The following BANK1 variants were observed in gnomAD, a reference collection of about 807,000 sequenced individuals.
BANK1 encodes the protein B cell scaffold protein with ankyrin repeats 1, also known as B-cell scaffold protein with ankyrin repeats.
A neutral mutation model predicts 94.5 loss-of-function variants in BANK1; 95 were observed. That is an observed-to-expected ratio of 1.00 (90% confidence interval 0.85 to 1.19). BANK1 has a LOEUF of 1.19. Among genes scored for constraint, BANK1 ranks in the 50% most tolerant of loss-of-function variants. The probability of loss-of-function intolerance (pLI) is 0.00; values close to 1 mark genes in which losing one functional copy is unlikely to be tolerated. For synonymous variants in BANK1, 334 were observed against 308.4 expected (o/e 1.08, Z -0.87); for missense variants, 987 against 932.2 (o/e 1.06, Z -0.77).
At chr4:101,946,995 T>C (rs981654389) in intron 7 of BANK1, among the ~76,000 whole-genome samples, 4 of 151,754 alleles carry the variant, frequency 2.6e-5, no homozygotes, top group Non-Finnish European at 2.9e-5. Flanking sequence ...CATTTTTTTC[T>C]CCAATTACAT....
At chr4:101,793,729 A>G (rs10031210) in intron 1 of BANK1, among the ~76,000 whole-genome samples, 95,420 of 151,998 alleles carry the variant, frequency 0.63, 30,694 homozygotes, top group African/African-American at 0.77. Flanking sequence ...AGCAAAATCC[A>G]AGAGAAGAAA....
chr4:101,850,744 C>T (rs1727442259), intron 2 of BANK1, among the ~76,000 whole-genome samples: 2 of 152,146 alleles, frequency 1.3e-5, no homozygotes. Context: ...CTATTTCAAA[C>T]TTTTTTCATT....
rs540658430 is a variant in BANK1 at position 101,933,194 on chromosome 4, G to A, written c.1206+15005G>A. Among the ~76,000 whole-genome samples the A allele has an allele frequency of 2.0e-5, 3 of 151,440 alleles. No individual in the cohort carries two copies. In the South Asian group the frequency reaches 6.2e-4, roughly 31 times the overall value. On this transcript the variant is annotated intron_variant, in intron 7 of 16. Coordinates refer to ENST00000322953, the MANE Select transcript of BANK1 (RefSeq NM_017935.5). ...AAAACAATGGCCCATGGTAGGGATAGGACCATAGAAAGGGAGATTATTTGG... is the reference window on the plus strand; with the variant it reads ...AAAACAATGGCCCATGGTAGGGATAAGACCATAGAAAGGGAGATTATTTGG...
intron 6 of BANK1, among the ~76,000 whole-genome samples, chr4:101,896,634 C>T (rs1722089409): frequency 6.6e-6 from 1 of 151,328 alleles, no homozygotes; most frequent in East Asian, 1.9e-4. Context: ...AAATTAAATA[C>T]TAGATGAGAA....
intron 3 of BANK1, among the ~76,000 whole-genome samples, chr4:101,855,396 A>G (rs534289184): frequency 6.6e-6 from 1 of 152,222 alleles, no homozygotes; most frequent in South Asian, 2.1e-4. Context: ...TATTTTTTTA[A>G]TAGATATTGT....
chr4:102,003,099 G>A (rs537247177), intron 7 of BANK1, among the ~76,000 whole-genome samples: 39 of 152,190 alleles, frequency 2.6e-4, no homozygotes, highest in African/African-American at 8.4e-4. Flanking sequence ...CAGCACAGTG[G>A]TCCCTTTTTC....
chr4:101,814,367 T>A (rs1297705471), intron 1 of BANK1, among the ~76,000 whole-genome samples: 2 of 152,202 alleles, frequency 1.3e-5, no homozygotes, highest in Non-Finnish European at 2.9e-5. Flanking sequence ...TACTGTCTTT[T>A]TTCCACCACT....
intron 10 of BANK1, among the ~76,000 whole-genome samples, chr4:102,030,637 T>C (rs1009759621): frequency 3.4e-5 from 5 of 145,490 alleles, no homozygotes; most frequent in Non-Finnish European, 7.5e-5. Context: ...CCCCACCCTG[T>C]GTCCATGTGT....
chr4:101,959,829 A>T (rs1180103915), intron 7 of BANK1, among the ~76,000 whole-genome samples: 1 of 152,144 alleles, frequency 6.6e-6, no homozygotes, highest in Non-Finnish European at 1.5e-5. Flanking sequence ...CTGCTATATA[A>T]TTTTTTTAAA....
intron 5 of BANK1, among the ~76,000 whole-genome samples, chr4:101,894,299 A>T (rs1721987854): frequency 6.6e-6 from 1 of 152,032 alleles, no homozygotes; most frequent in Non-Finnish European, 1.5e-5. Flanking sequence ...GATGCTTATG[A>T]ATGCTGGGTT....
chr4:101,974,655 A>G (rs151217034), intron 7 of BANK1, among the ~76,000 whole-genome samples: 389 of 152,170 alleles, frequency 2.6e-3, no homozygotes, highest in Non-Finnish European at 4.1e-3. Flanking sequence ...GTTATGTCTT[A>G]TTGAGATTCT....
At chr4:101,916,445 T>G (rs71597114) in intron 6 of BANK1, among the ~76,000 whole-genome samples, 1 of 152,006 alleles carries the variant, frequency 6.6e-6, no homozygotes, top group Non-Finnish European at 1.5e-5. Flanking sequence ...ATCTTACTGT[T>G]AAATTCTTGT....
At chr4:101,821,098 C>T (rs914960888) in intron 1 of BANK1, among the ~76,000 whole-genome samples, 8 of 152,212 alleles carry the variant, frequency 5.3e-5, no homozygotes, top group Non-Finnish European at 1.5e-5. Flanking sequence ...TTCTCGACAG[C>T]CTCGCCAGCA....
chr4:101,940,484 C>G (rs1317453609), intron 7 of BANK1, among the ~76,000 whole-genome samples: 2 of 151,666 alleles, frequency 1.3e-5, no homozygotes, highest in African/African-American at 4.8e-5. Flanking sequence ...AGTTTTCTGT[C>G]ATTTTTACCT....
chr4:101,932,417 G>C (rs1033996224), intron 7 of BANK1, among the ~76,000 whole-genome samples: 2 of 151,382 alleles, frequency 1.3e-5, no homozygotes, highest in Non-Finnish European at 3.0e-5. Context: ...ACTTTTTAAA[G>C]GGGACTTTTC....
At chr4:101,932,998 G>T (rs28584736) in intron 7 of BANK1, among the ~76,000 whole-genome samples, 6,845 of 151,406 alleles carry the variant, frequency 0.045, 182 homozygotes, top group African/African-American at 0.075. Flanking sequence ...TTATATTTTG[G>T]CAATACCATA....
chr4:101,966,819 T>TGGTCAGCAGC (rs891429851), intron 7 of BANK1, among the ~76,000 whole-genome samples: 1 of 152,074 alleles, frequency 6.6e-6, no homozygotes, highest in African/African-American at 2.4e-5. Context: ...CAGCATATCT[T>TGGTCAGCAGC]AGCCTAATGT....
At chr4:101,829,682 T>C (rs1726527030) in intron 1 of BANK1, 126 bp from the exon 2 acceptor site, 2 of 493,068 alleles carry the variant, frequency 4.1e-6, no homozygotes, top group Non-Finnish European at 6.8e-6. Flanking sequence ...AGGACTTTCA[T>C]AGAGTTTTTC....
intron 7 of BANK1, among the ~76,000 whole-genome samples, chr4:101,988,009 T>C (rs1256710341): frequency 6.6e-6 from 1 of 152,098 alleles, no homozygotes; most frequent in Non-Finnish European, 1.5e-5. Context: ...AGAATAACCA[T>C]GAAGAGCAGA....
Sources: gnomAD v4.1 joint callset for allele counts (sites outside exome capture counted in the v4.1 genomes callset) on GRCh38, gnomAD v4.1.1 for gene constraint, MANE v1.5 for transcripts, NCBI Gene and HGNC (gene_info 2026-07-23, HGNC 2026-07-21) for gene names.